The following CYP2C19 variants were observed in gnomAD, a reference collection of about 807,000 sequenced individuals.
CYP2C19 encodes cytochrome P450 family 2 subfamily C member 19.
CYP2C19 carries 59 observed loss-of-function variants against 40.9 expected under a neutral mutation model. The observed-to-expected ratio is 1.44, with a 90% CI of 1.17 to 1.79. The LOEUF (loss-of-function observed/expected upper bound fraction) is 1.79, where lower values mean the gene tolerates loss of function less well. Ranked by LOEUF, CYP2C19 falls within the 40% of genes most tolerant of loss-of-function variation. CYP2C19 has a pLI of 0.00. For missense variants in CYP2C19, 754 were observed against 596.9 expected (o/e 1.26, Z -2.74); for synonymous variants, 253 against 208.7 (o/e 1.21, Z -1.83).
At position 94,855,265 on chromosome 10, in the gene CYP2C19, C is replaced by T. The variant is rs1173071316; in HGVS notation, c.*2351C>T. 6.6e-6 allele frequency among the ~76,000 whole-genome samples: 1 copy of T among 152,072 alleles called. No individual in the cohort carries two copies. Among genetic ancestry groups the T allele is most frequent in the Non-Finnish European group, 1.5e-5 (1 of 68,022 alleles). ...TTAGCCTACCATACTATTATTATACCCATTTGAACAACCAAACAATTGCAC... is the reference window on the plus strand; with the variant it reads ...TTAGCCTACCATACTATTATTATACTCATTTGAACAACCAAACAATTGCAC... On this transcript the variant is annotated 3_prime_UTR_variant, in exon 9 of 9. Transcript: ENST00000371321.
rs1848512962 is a variant in CYP2C19, at chr10:94,784,215, G to A, written c.819+2218G>A. Among the ~76,000 whole-genome samples the A allele has an allele frequency of 2.3e-5, 3 of 133,056 alleles. No individual in the cohort carries two copies. In the Admixed American group the frequency reaches 2.5e-4, roughly 11 times the overall value. 87.3% of individuals were successfully genotyped at this position (133,056 alleles called of 152,430 possible). ...GTTTTGGAGGCTCATCTAAGTTGTA[G>A]CATATATCTGTACTTCATTCTTTTT... On this transcript the variant is annotated intron_variant, in intron 5 of 8. Coordinates refer to ENST00000371321, the MANE Select transcript of CYP2C19 (RefSeq NM_000769.4).
In CYP2C19 at chr10:94,820,662, T is replaced by G. The variant is rs376465187; in HGVS notation, c.961+25T>G. 8.7e-6 allele frequency: 14 copies of G among 1,613,902 alleles called. No individual in the cohort carries two copies. The East Asian group carries it at 2.9e-4, about 33-fold the overall frequency. ...GGTATGATCACAGAGGATGAGTTAA[T>G]TGAGTTTTAGGAAAGATGTTGGGAA... On this transcript the variant is annotated intron_variant, in intron 6 of 8. Transcript: ENST00000371321.
chr10:94,810,425 T>C (rs1212034401), intron 5 of CYP2C19, among the ~76,000 whole-genome samples: 1 of 152,214 alleles, frequency 6.6e-6, no homozygotes, highest in African/African-American at 2.4e-5. Flanking sequence ...AGAGTCTGTC[T>C]TTTTCTACTG....
At chr10:94,844,865 A>G (rs1178587001) in intron 7 of CYP2C19, among the ~76,000 whole-genome samples, 1 of 152,230 alleles carries the variant, frequency 6.6e-6, no homozygotes, top group Non-Finnish European at 1.5e-5. Context: ...ATACTGAAGA[A>G]TCAGGATGAG....
chr10:94,781,073 A>G (rs1486211179), intron 4 of CYP2C19, among the ~76,000 whole-genome samples: 1 of 152,178 alleles, frequency 6.6e-6, no homozygotes, highest in Non-Finnish European at 1.5e-5. Flanking sequence ...AAAAGACATT[A>G]TCTCCTTCAA....
chr10:94,805,185 T>C (rs1194864596), intron 5 of CYP2C19, among the ~76,000 whole-genome samples: 1 of 152,164 alleles, frequency 6.6e-6, no homozygotes, highest in Non-Finnish European at 1.5e-5. Context: ...TAGTATGCCT[T>C]AGCTTTGCAG....
chr10:94,834,460 CA>C (rs1849371727), intron 6 of CYP2C19, among the ~76,000 whole-genome samples: 1 of 151,690 alleles, frequency 6.6e-6, no homozygotes, highest in Non-Finnish European at 1.5e-5. Context: ...GTTGCATTGA[CA>C]TTTTGTTTTG....
At position 94,854,263 on chromosome 10, in the gene CYP2C19, C is replaced by A. The variant is rs1241466599; in HGVS notation, c.*1349C>A. 6.6e-6 allele frequency among the ~76,000 whole-genome samples: 1 copy of A among 152,116 alleles called. No individual in the cohort carries two copies. The highest frequency in any genetic ancestry group is 1.5e-5 in the Non-Finnish European group (1 of 68,024). Reference sequence around the variant, plus strand: ...TGAACTCCTGACCTCAAGTGATCCACCCACCTCAGCCTCCCAAACTGCTGG... The same window carrying A: ...TGAACTCCTGACCTCAAGTGATCCAACCACCTCAGCCTCCCAAACTGCTGG... On this transcript the variant is annotated 3_prime_UTR_variant, in exon 9 of 9. Transcript: ENST00000371321.
rs558500150 is a variant in CYP2C19 at position 94,854,020 on chromosome 10, T to C, written c.*1106T>C. Among the ~76,000 whole-genome samples the C allele has an allele frequency of 2.6e-5, 4 of 152,018 alleles. No individual in the cohort carries two copies. In the East Asian group the frequency reaches 5.8e-4, roughly 22 times the overall value. On this transcript the variant is annotated 3_prime_UTR_variant, in exon 9 of 9. Coordinates refer to ENST00000371321, the MANE Select transcript of CYP2C19 (RefSeq NM_000769.4). The stretch of plus-strand genomic sequence containing the variant: ...CAAACATGAACAAAATTTCTTTTCT[T>C]TTTTCTTTTTTTTTTGAAATGGAGT...
At chr10:94,770,367 C>G (rs1589817345) in intron 1 of CYP2C19, among the ~76,000 whole-genome samples, 1 of 152,258 alleles carries the variant, frequency 6.6e-6, no homozygotes, top group South Asian at 2.1e-4. Context: ...GTAAACCACA[C>G]TGATAACAAG....
intron 5 of CYP2C19, among the ~76,000 whole-genome samples, chr10:94,815,131 C>G (rs1037614578): frequency 6.7e-6 from 1 of 149,078 alleles, no homozygotes; most frequent in Non-Finnish European, 1.5e-5. Flanking sequence ...AGTAACCAAG[C>G]TCAAGTCAAG....
In CYP2C19 at chr10:94,849,959, A is replaced by C. The variant is rs1589379577; in HGVS notation, c.1192A>C (p.Asn398His). 2 of 1,613,808 alleles carry C rather than the reference A, an allele frequency of 1.2e-6. No individual in the cohort carries two copies. The highest frequency in any genetic ancestry group is 2.7e-5 in the African/African-American group (2 of 75,024). The change falls in exon 8 of 9, where the codon AAC (asparagine) becomes CAC (histidine). Residue 398 changes from asparagine to histidine, a missense_variant. By Grantham distance (68) the Asn-to-His change is moderately conservative. Coordinates refer to ENST00000371321, the MANE Select transcript of CYP2C19 (RefSeq NM_000769.4). ...LTSLTSVLHD[N>H]KEFPNPEMFD... is the part of the protein sequence containing the mutation. ...TTCCCTCACTTCTGTGCTACATGAC[A>C]ACAAAGAATTTCCCAACCCAGAGAT...
intron 4 of CYP2C19, among the ~76,000 whole-genome samples, chr10:94,781,616 A>G (rs7088784): frequency 0.078 from 11,799 of 152,130 alleles, 534 homozygotes; most frequent in South Asian, 0.12. Context: ...AATGATTATC[A>G]TCTTTGATTC....
rs530650878 is a variant in CYP2C19 at position 94,826,717 on chromosome 10, A to G, written c.961+6080A>G. 4.6e-3 allele frequency among the ~76,000 whole-genome samples: 696 copies of G among 152,166 alleles called. 4 individuals carry two copies. Among genetic ancestry groups the G allele is most frequent in the African/African-American group, 0.011 (451 of 41,466 alleles). On this transcript the variant is annotated intron_variant, in intron 6 of 8. Transcript: ENST00000371321. ...TATGTTGAATAGGAGTGGCAAGAGA[A>G]GGCATCCCTGTCTTGTGCCAGTTTT... is the stretch of plus-strand genomic sequence containing the variant.
At chr10:94,838,105 C>T (rs1349479818) in intron 6 of CYP2C19, among the ~76,000 whole-genome samples, 1 of 152,132 alleles carries the variant, frequency 6.6e-6, no homozygotes, top group East Asian at 1.9e-4. Context: ...CTTCCTTTCC[C>T]TGTGTTATAG....
chr10:94,828,235 G>A (rs983315135), intron 6 of CYP2C19, among the ~76,000 whole-genome samples: 45 of 151,504 alleles, frequency 3.0e-4, no homozygotes, highest in Middle Eastern at 3.4e-3. Context: ...TTTCTGTCTC[G>A]TTGATCTGTC....
chr10:94,802,770 G>T (rs1331885837), intron 5 of CYP2C19, among the ~76,000 whole-genome samples: 1 of 152,084 alleles, frequency 6.6e-6, no homozygotes, highest in Admixed American at 6.6e-5. Context: ...TTCTTGTAAG[G>T]CAGGCCTGGT....
In CYP2C19 at chr10:94,855,533, T is replaced by C. The variant is rs1244432520; in HGVS notation, c.*2619T>C. On this transcript the variant is annotated 3_prime_UTR_variant, in exon 9 of 9. Coordinates refer to ENST00000371321, the MANE Select transcript of CYP2C19 (RefSeq NM_000769.4). ...CACTGTTTAGAAGATACTGGCTCAA[T>C]AAATATTTAATGAATGAATGACTAC... is the stretch of plus-strand genomic sequence containing the variant. Among the ~76,000 whole-genome samples the C allele has an allele frequency of 6.6e-6, 1 of 152,230 alleles. No individual in the cohort carries two copies. Among genetic ancestry groups the C allele is most frequent in the Admixed American group, 6.5e-5 (1 of 15,278 alleles).
At position 94,853,256 on chromosome 10, in the gene CYP2C19, G is replaced by T; in HGVS notation, c.*342G>T. 2 of 359,614 alleles carry T rather than the reference G, an allele frequency of 5.6e-6. No individual in the cohort carries two copies. Among genetic ancestry groups the T allele is most frequent in the South Asian group, 5.0e-5 (2 of 40,402 alleles). 22.3% of individuals were successfully genotyped at this position (359,614 alleles called of 1,614,324 possible). ...TTCTAAACAAAAAGCATTATTATTT[G>T]CTGAGTCAGGTTATTAGACCTTCCT... On this transcript the variant is annotated 3_prime_UTR_variant, in exon 9 of 9. Coordinates refer to ENST00000371321, the MANE Select transcript of CYP2C19 (RefSeq NM_000769.4).
Sources: gnomAD v4.1 joint callset for allele counts (sites outside exome capture counted in the v4.1 genomes callset) on GRCh38, gnomAD v4.1.1 for gene constraint, MANE v1.5 for transcripts, NCBI Gene and HGNC (gene_info 2026-07-23, HGNC 2026-07-21) for gene names.